Variants in DIPK1C observed in about 807,000 individuals in gnomAD.
DIPK1C encodes divergent protein kinase domain 1C, also known as familial non-conventional Alzheimer's dementia.
A neutral mutation model predicts 28.0 loss-of-function variants in DIPK1C; 33 were observed. That is an observed-to-expected ratio of 1.18 (90% CI 0.89 to 1.58). The LOEUF is 1.58. DIPK1C is among the 40% of genes most tolerant of loss of function. The probability of loss-of-function intolerance (pLI) is 0.00; values close to 1 mark genes in which losing one functional copy is unlikely to be tolerated. For missense variants in DIPK1C, 569 were observed against 568.5 expected, an observed-to-expected ratio of 1.00 and a Z score of -0.01; for synonymous variants, 255 against 248.8, an observed-to-expected ratio of 1.02 and a Z score of -0.23.
upstream of DIPK1C, among the ~76,000 whole-genome samples, chr18:74,462,903 A>G (rs1986637719): frequency 2.0e-5 from 3 of 152,224 alleles, no homozygotes; most frequent in South Asian, 6.2e-4. Context: ...AATTTAAGTA[A>G]TCATTCTTTC....
intron 1 of DIPK1C, among the ~76,000 whole-genome samples, chr18:74,452,650 A>G (rs1986424345): frequency 1.3e-5 from 2 of 152,096 alleles, no homozygotes; most frequent in South Asian, 4.1e-4. Flanking sequence ...TGGGAGACTG[A>G]GACAGGAGGA....
At chr18:74,464,496 T>C in the DIPK1C span, among the ~76,000 whole-genome samples, 1 of 152,242 alleles carries the variant, frequency 6.6e-6, no homozygotes, top group Non-Finnish European at 1.5e-5. Context: ...GTACATTTGC[T>C]ACCATCAATA....
At chr18:74,448,768 C>T (rs754726597) in intron 1 of DIPK1C, among the ~76,000 whole-genome samples, 1 of 152,136 alleles carries the variant, frequency 6.6e-6, no homozygotes, top group Non-Finnish European at 1.5e-5. Context: ...TTACAAGTAG[C>T]TCCTTGAGGT....
At chr18:74,456,729 C>A (rs549591006) in intron 1 of DIPK1C, among the ~76,000 whole-genome samples, 12 of 152,326 alleles carry the variant, frequency 7.9e-5, no homozygotes, top group South Asian at 4.1e-4. Context: ...GACGCGGCAC[C>A]TCCCTGGACA....
intron 3 of DIPK1C, among the ~76,000 whole-genome samples, chr18:74,440,338 A>G (rs761504607): frequency 4.6e-5 from 7 of 152,244 alleles, no homozygotes; most frequent in Non-Finnish European, 8.8e-5. Flanking sequence ...TTCAAAGTCA[A>G]TAACCAGATA....
chr18:74,437,889 A>G (rs1357842883), intron 3 of DIPK1C, among the ~76,000 whole-genome samples: 3 of 152,032 alleles, frequency 2.0e-5, no homozygotes, highest in East Asian at 1.9e-4. Context: ...GATCCCTCCA[A>G]ATTGATTTCT....
At chr18:74,440,066 TCCCGAGTAGCTGGGACTGCAGGCG>T (rs1986086950) in intron 3 of DIPK1C, among the ~76,000 whole-genome samples, 1 of 151,150 alleles carries the variant, frequency 6.6e-6, no homozygotes, top group African/African-American at 2.4e-5. Flanking sequence ...TGCCTCAGCC[TCCCGAGTAGCTGGGACTGCAGGCG>T]CCCGCCACCT....
chr18:74,450,856 G>A (rs191655894), intron 1 of DIPK1C, among the ~76,000 whole-genome samples: 1 of 152,380 alleles, frequency 6.6e-6, no homozygotes, highest in Non-Finnish European at 1.5e-5. Context: ...GCCACAGTGA[G>A]GCTAAGCTTG....
chr18:74,461,371 CCTTCCTTT>C (rs1224521550), upstream of DIPK1C, among the ~76,000 whole-genome samples: 9 of 145,472 alleles, frequency 6.2e-5, no homozygotes, highest in African/African-American at 1.8e-4. Context: ...TTCCTTCCTT[CCTTCCTTT>C]CTTCCTTCCT....
chr18:74,442,911 A>T (rs1295411443), intron 2 of DIPK1C, among the ~76,000 whole-genome samples: 7 of 152,212 alleles, frequency 4.6e-5, no homozygotes, highest in Non-Finnish European at 1.0e-4. Flanking sequence ...CAAGCTATCC[A>T]GGGAAGCCAC....
intron 3 of DIPK1C, 40 bp downstream of exon 3, chr18:74,441,912 G>T: frequency 6.3e-7 from 1 of 1,596,072 alleles, no homozygotes; most frequent in Non-Finnish European, 8.5e-7. Context: ...AACAGCCAAA[G>T]AGCACCCTCT....
the DIPK1C span, among the ~76,000 whole-genome samples, chr18:74,464,596 A>C: frequency 2.3e-3 from 355 of 152,344 alleles, 2 homozygotes; most frequent in African/African-American, 8.1e-3. Context: ...AATTTGGATA[A>C]ACATATGACA....
intron 3 of DIPK1C, 30 bp from the exon 4 acceptor site, chr18:74,436,749 T>C (rs561393471): frequency 1.3e-6 from 2 of 1,567,092 alleles, no homozygotes; most frequent in Admixed American, 1.8e-5. Flanking sequence ...ACAGTTAATT[T>C]AGGGCAGCAA....
intron 3 of DIPK1C, among the ~76,000 whole-genome samples, chr18:74,441,177 G>C (rs1986114674): frequency 6.6e-6 from 1 of 152,192 alleles, no homozygotes; most frequent in Admixed American, 6.5e-5. Flanking sequence ...AGGAGGACAA[G>C]CTACAGTGGA....
intron 2 of DIPK1C, among the ~76,000 whole-genome samples, chr18:74,442,992 C>T (rs1199547062): frequency 6.6e-6 from 1 of 152,206 alleles, no homozygotes; most frequent in Non-Finnish European, 1.5e-5. Context: ...CTTCATGACA[C>T]GTCTGTTACC....
intron 1 of DIPK1C, among the ~76,000 whole-genome samples, chr18:74,454,994 G>A (rs1244976734): frequency 6.6e-6 from 1 of 152,136 alleles, no homozygotes; most frequent in South Asian, 2.1e-4. Flanking sequence ...GCGTCACATC[G>A]ACACCTAGGG....
At chr18:74,452,468 G>T (rs1986420226) in intron 1 of DIPK1C, among the ~76,000 whole-genome samples, 1 of 152,088 alleles carries the variant, frequency 6.6e-6, no homozygotes, top group Non-Finnish European at 1.5e-5. Context: ...ATCGGGCCAG[G>T]CACAGTGGAT....
In DIPK1C at chr18:74,441,974, T is replaced by C. The variant is rs760517283; in HGVS notation, c.1019A>G (p.Gln340Arg). 5.6e-6 allele frequency: 9 copies of C among 1,613,912 alleles called. 1 individual carries two copies. In the South Asian group the frequency reaches 9.9e-5, roughly 18 times the overall value. ...CDLRVNKCGA[Q>R]RVNNNLQVIC... ...TACCTGCAGGTTGTTGTTTACGCGC[T>C]GCGCTCCGCATTTGTTGACTCGTAA... Residue 340 changes from glutamine to arginine, a missense_variant, in exon 3 of 4, where the codon CAG (glutamine) becomes CGG (arginine). By Grantham distance (43) the Gln-to-Arg change is conservative. Transcript: ENST00000343998.
Position 74,436,669 on chromosome 18 carries a change from G to A in DIPK1C, c.1092C>T (p.Ser364=). ...GCTGAAGCTGGAAAGAGACCGCAGA[G>A]CTCTTGAGAGGCGCGGAAAACCAAT... ...FRHWFSAPLK[S]SAVSFQLQLQ... The change falls in exon 4 of 4, where the codon AGC becomes AGT. Residue 364 remains serine, a synonymous_variant. Coordinates refer to ENST00000343998, the MANE Select transcript of DIPK1C (RefSeq NM_001044369.3). 8.1e-6 allele frequency: 13 copies of A among 1,614,048 alleles called. No homozygotes were observed. Among genetic ancestry groups the A allele is most frequent in the South Asian group, 1.1e-5 (1 of 91,052 alleles).
Sources: gnomAD v4.1 joint callset for allele counts (sites outside exome capture counted in the v4.1 genomes callset) on GRCh38, gnomAD v4.1.1 for gene constraint, MANE v1.5 for transcripts, NCBI Gene and HGNC (gene_info 2026-07-23, HGNC 2026-07-21) for gene names.